CEP63: variants seen among roughly 807,000 people sequenced by gnomAD.
CEP63 encodes centrosomal protein 63, also known as centrosomal protein of 63 kDa.
In CEP63, 84 loss-of-function variants were observed where a neutral mutation model predicts 89.1. The observed-to-expected ratio is 0.94, with a 90% CI of 0.79 to 1.13. The LOEUF (loss-of-function observed/expected upper bound fraction) is 1.13, where lower values mean the gene tolerates loss of function less well. Ranked by LOEUF, CEP63 falls within the 50% of genes most tolerant of loss-of-function variation. The pLI is 0.00. For synonymous variants in CEP63, 267 were observed against 272.5 expected (o/e 0.98, Z 0.20); for missense variants, 838 against 813.3 (o/e 1.03, Z -0.37).
At chr3:134,507,408 A>G (rs1054587213) in intron 3 of CEP63, 122 bp downstream of exon 3, 15 of 702,230 alleles carry the variant, frequency 2.1e-5, no homozygotes, top group Non-Finnish European at 3.1e-5. Flanking sequence ...GTTTTTTATT[A>G]TAATTCTGCT....
At chr3:134,557,376 G>GTTTTTTGTTTTTTTTTTTTT (rs1956393276) in intron 12 of CEP63, among the ~76,000 whole-genome samples, 2 of 101,500 alleles carry the variant, frequency 2.0e-5, no homozygotes, top group African/African-American at 9.9e-5. Flanking sequence ...TTCATAATTT[G>GTTTTTTGTTTTTTTTTTTTT]TTTTTTTTTT....
At chr3:134,528,148 G>C (rs914919231) in intron 3 of CEP63, among the ~76,000 whole-genome samples, 2 of 152,208 alleles carry the variant, frequency 1.3e-5, no homozygotes, top group African/African-American at 4.8e-5. Flanking sequence ...GTTTGGGCCA[G>C]GAATGAGTCC....
the CEP63 span, among the ~76,000 whole-genome samples, chr3:134,631,121 T>C: frequency 1.3e-5 from 2 of 152,192 alleles, no homozygotes; most frequent in East Asian, 1.9e-4. Context: ...AGTCACATCA[T>C]TGAAGTCTCA....
At chr3:134,494,022 A>G (rs981252982) in intron 1 of CEP63, among the ~76,000 whole-genome samples, 8 of 152,110 alleles carry the variant, frequency 5.3e-5, no homozygotes, top group Non-Finnish European at 1.0e-4. Context: ...AATCAACACT[A>G]CTGAGTTTAA....
At chr3:134,770,644 C>CT in the CEP63 span, among the ~76,000 whole-genome samples, 5 of 151,944 alleles carry the variant, frequency 3.3e-5, no homozygotes, top group African/African-American at 9.7e-5. Context: ...AATGCTTTTA[C>CT]TTTTTTTTAT....
At chr3:134,594,482 C>T in the CEP63 span, among the ~76,000 whole-genome samples, 11 of 152,094 alleles carry the variant, frequency 7.2e-5, no homozygotes, top group Admixed American at 5.2e-4. Flanking sequence ...TCAGGGCGGG[C>T]GGATTCCCCC....
intron 11 of CEP63, among the ~76,000 whole-genome samples, chr3:134,573,606 C>T (rs151193693): frequency 3.8e-4 from 58 of 152,178 alleles, no homozygotes; most frequent in African/African-American, 1.3e-3. Context: ...TTCCATTGGT[C>T]TATGTGTCTG....
At chr3:134,493,558 G>A (rs982861814) in intron 1 of CEP63, among the ~76,000 whole-genome samples, 1 of 151,998 alleles carries the variant, frequency 6.6e-6, no homozygotes, top group African/African-American at 2.4e-5. Context: ...TCCCTGTCAC[G>A]TTTGTGCACA....
the CEP63 span, chr3:134,608,985 A>G: frequency 1.1e-6 from 1 of 915,744 alleles, no homozygotes; most frequent in Admixed American, 2.9e-5. Flanking sequence ...ACTCCTCCTC[A>G]GTGGATGCTT....
intron 3 of CEP63, among the ~76,000 whole-genome samples, chr3:134,507,756 G>C (rs551904672): frequency 1.3e-5 from 2 of 152,194 alleles, no homozygotes; most frequent in East Asian, 3.9e-4. Flanking sequence ...TTGAAAATTA[G>C]AGGAGAAGAA....
rs1444120240 is a variant in CEP63 at position 134,547,488 on chromosome 3, C to G, written c.1067+16C>G. 1 of 1,609,634 alleles carries G rather than the reference C, an allele frequency of 6.2e-7. No individual in the cohort carries two copies. The highest frequency in any genetic ancestry group is 1.1e-5 in the South Asian group (1 of 90,978). ...TTGAAGGCAGGTACATAATTATACA[C>G]ACATTTCAAAAATTTCAAGTTGTTA... On this transcript the variant is annotated intron_variant, in intron 9 of 14. Coordinates refer to ENST00000675561, the MANE Select transcript of CEP63 (RefSeq NM_001353108.3).
At chr3:134,488,622 A>G (rs1048065164) in intron 1 of CEP63, among the ~76,000 whole-genome samples, 10 of 152,168 alleles carry the variant, frequency 6.6e-5, no homozygotes, top group Non-Finnish European at 8.8e-5. Flanking sequence ...AAACAAAAAA[A>G]AGTGGTTTGG....
the CEP63 span, among the ~76,000 whole-genome samples, chr3:134,760,802 A>G: frequency 6.6e-6 from 1 of 152,160 alleles, no homozygotes; most frequent in Non-Finnish European, 1.5e-5. Flanking sequence ...CTTTCTCACC[A>G]CTACTTGCAG....
the CEP63 span, among the ~76,000 whole-genome samples, chr3:134,744,733 G>A: frequency 6.6e-6 from 1 of 152,030 alleles, no homozygotes; most frequent in Non-Finnish European, 1.5e-5. Context: ...GCCCAGGCTG[G>A]TCTTGAACTC....
At chr3:134,662,042 C>T in the CEP63 span, among the ~76,000 whole-genome samples, 7 of 152,258 alleles carry the variant, frequency 4.6e-5, no homozygotes, top group African/African-American at 1.4e-4. Flanking sequence ...CTGCGGAGGC[C>T]GAGGTGGGTA....
chr3:134,520,523 G>A (rs1229807668), intron 3 of CEP63, among the ~76,000 whole-genome samples: 2 of 152,172 alleles, frequency 1.3e-5, no homozygotes, highest in African/African-American at 4.8e-5. Flanking sequence ...TAAAACTCCA[G>A]TATATTTTAA....
the CEP63 span, among the ~76,000 whole-genome samples, chr3:134,689,612 C>G: frequency 6.6e-6 from 1 of 151,910 alleles, no homozygotes; most frequent in South Asian, 2.1e-4. Context: ...CCACCACGCT[C>G]AAGTAATTTT....
At chr3:134,662,607 C>T in the CEP63 span, among the ~76,000 whole-genome samples, 2 of 152,122 alleles carry the variant, frequency 1.3e-5, no homozygotes, top group East Asian at 1.9e-4. Context: ...AACTGGGCTC[C>T]GAGAAGGCAG....
chr3:134,643,813 G>A, the CEP63 span, among the ~76,000 whole-genome samples: 21 of 150,388 alleles, frequency 1.4e-4, no homozygotes, highest in Non-Finnish European at 3.1e-4. Flanking sequence ...CTGACTCCCA[G>A]TTGAGTCTCC....
Sources: gnomAD v4.1 joint callset for allele counts (sites outside exome capture counted in the v4.1 genomes callset) on GRCh38, gnomAD v4.1.1 for gene constraint, MANE v1.5 for transcripts, NCBI Gene and HGNC (gene_info 2026-07-23, HGNC 2026-07-21) for gene names.